Variants in SSU72 observed in about 807,000 individuals in gnomAD.
The protein encoded by SSU72 is SSU72 homolog, RNA polymerase II CTD phosphatase.
SSU72 carries 12 observed loss-of-function variants against 22.7 expected under a neutral mutation model. The observed-to-expected ratio is 0.53, with a 90% CI of 0.34 to 0.86. SSU72 has a LOEUF of 0.86. SSU72 is among the 40% of genes least tolerant of loss of function. SSU72 has a pLI of 0.02. For missense variants in SSU72, 151 were observed against 249.8 expected, an observed-to-expected ratio of 0.60 and a Z score of 2.67; for synonymous variants, 116 against 98.3, an observed-to-expected ratio of 1.18 and a Z score of -1.06.
rs1163788170 is a variant in SSU72, at chr1:1,541,719, G to A, written c.*347C>T. 2.4e-5 allele frequency: 6 copies of A among 254,058 alleles called. No homozygotes were observed. Among genetic ancestry groups the A allele is most frequent in the Non-Finnish European group, 3.9e-5 (5 of 128,576 alleles). The allele number at this position is 254,058 out of a possible 1,614,324, so 15.7% of individuals were successfully genotyped here. ...GACAATTCCAGGTCATTCCTAACACGCCGCAGCAGGGCTCTGTACAGTCCG... is the reference window on the plus strand; with the variant it reads ...GACAATTCCAGGTCATTCCTAACACACCGCAGCAGGGCTCTGTACAGTCCG... On this transcript the variant is annotated 3_prime_UTR_variant, in exon 5 of 5. Transcript: ENST00000291386.
rs1259193086 is a variant in SSU72, at chr1:1,574,760, T to C, written c.-203A>G. 1 of 302,188 alleles carries C rather than the reference T, an allele frequency of 3.3e-6. No homozygotes were observed. Among genetic ancestry groups the C allele is most frequent in the African/African-American group, 2.3e-5 (1 of 44,442 alleles). 18.7% of individuals were successfully genotyped at this position (302,188 alleles called of 1,614,324 possible). A position where few individuals can be genotyped will look rare whatever the true frequency, so the allele number is the denominator to read the frequency against. The stretch of plus-strand genomic sequence containing the variant: ...CGCGGACGGAGCGCAGGCACTGGCC[T>C]TCGGGCGCGCTGCACTCGGCGAGGC... On this transcript the variant is annotated 5_prime_UTR_variant, in exon 1 of 5. Transcript: ENST00000291386.
At chr1:1,564,942 TCACAGTCA>T (rs1470693362) in intron 1 of SSU72, 26 bp from the exon 2 acceptor site, 2 of 1,569,426 alleles carry the variant, frequency 1.3e-6, no homozygotes, top group Non-Finnish European at 1.7e-6. Flanking sequence ...AGAGAAAGAA[TCACAGTCA>T]CACTAAGACA....
intron 2 of SSU72, chr1:1,545,804 C>G (rs539813286): frequency 6.6e-6 from 1 of 152,398 alleles, no homozygotes; most frequent in South Asian, 2.1e-4. Context: ...ACAGAAGGTT[C>G]AGCAGCAATC....
intron 2 of SSU72, among the ~76,000 whole-genome samples, chr1:1,553,355 G>A (rs1245451892): frequency 1.3e-5 from 2 of 152,138 alleles, no homozygotes; most frequent in African/African-American, 4.8e-5. Context: ...TACAGTAGTT[G>A]TTTTGCCAGG....
chr1:1,560,479 G>A (rs931845698), intron 2 of SSU72, among the ~76,000 whole-genome samples: 1 of 152,162 alleles, frequency 6.6e-6, no homozygotes, highest in Non-Finnish European at 1.5e-5. Context: ...ACCTAGACTC[G>A]TACCCTGACA....
intron 1 of SSU72, 136 bp from the exon 2 acceptor site, chr1:1,565,052 A>C (rs766095980): frequency 8.0e-5 from 102 of 1,272,036 alleles, no homozygotes; most frequent in Non-Finnish European, 9.3e-5. Context: ...TCAAATTTTT[A>C]ATCTAGGCCG....
intron 2 of SSU72, among the ~76,000 whole-genome samples, chr1:1,556,223 G>A (rs1404345607): frequency 6.6e-6 from 1 of 152,212 alleles, no homozygotes; most frequent in Non-Finnish European, 1.5e-5. Context: ...ACAAGGTCAG[G>A]AGATGGAGAC....
In SSU72 at chr1:1,542,758, C is replaced by T. The variant is rs561117786; in HGVS notation, c.484-591G>A. On this transcript the variant is annotated intron_variant, in intron 4 of 4. Coordinates refer to ENST00000291386, the MANE Select transcript of SSU72 (RefSeq NM_014188.3). The surrounding 1 kb of genome is among the most constrained non-coding windows in gnomAD (Gnocchi z 4.4). ...TGTGACTCAGCTCTGGCCAACGTGA[C>T]CCAAGCAGAAATCGTGCAATAACTT... 6.1e-4 allele frequency among the ~76,000 whole-genome samples: 92 copies of T among 152,050 alleles called. No individual in the cohort carries two copies. The highest frequency in any genetic ancestry group is 1.1e-3 in the Non-Finnish European group (76 of 68,010).
At chr1:1,550,004 G>GT (rs1642437343) in intron 2 of SSU72, among the ~76,000 whole-genome samples, 1 of 146,494 alleles carries the variant, frequency 6.8e-6, no homozygotes, top group African/African-American at 2.5e-5. Flanking sequence ...GCAAAACCCC[G>GT]TCTTCTCTAC....
At chr1:1,568,893 C>T (rs2100722392) in intron 1 of SSU72, among the ~76,000 whole-genome samples, 1 of 147,808 alleles carries the variant, frequency 6.8e-6, no homozygotes, top group South Asian at 2.2e-4. Context: ...TAAATAAGGC[C>T]AGGCACGGTG....
chr1:1,572,776 A>G (rs1642747507), intron 1 of SSU72, among the ~76,000 whole-genome samples: 1 of 147,962 alleles, frequency 6.8e-6, no homozygotes, highest in Non-Finnish European at 1.5e-5. Flanking sequence ...TTTGTTATGC[A>G]GGTACAGCAG....
chr1:1,542,138 C>T lies in SSU72; in HGVS notation c.513G>A (p.Glu171=). 6.3e-7 allele frequency: 1 copy of T among 1,592,842 alleles called. No individual in the cohort carries two copies. The highest frequency in any genetic ancestry group is 8.5e-7 in the Non-Finnish European group (1 of 1,169,878). ...CIQHTEDMEN[E]IDELLQEFEE... ...CGAACTCCTGCAGCAGCTCGTCGAT[C>T]TCGTTCTCCATGTCTTCCGTGTGCT... Residue 171 remains glutamate (E), a synonymous_variant, in exon 5 of 5, where the codon GAG becomes GAA. Coordinates refer to ENST00000291386, the MANE Select transcript of SSU72 (RefSeq NM_014188.3). The surrounding 1 kb of genome is among the most constrained non-coding windows in gnomAD (Gnocchi z 4.4).
intron 4 of SSU72, among the ~76,000 whole-genome samples, chr1:1,543,536 A>AGCTAC (rs1642350889): frequency 6.6e-6 from 1 of 152,128 alleles, no homozygotes; most frequent in Non-Finnish European, 1.5e-5. Flanking sequence ...GGCGCCCCCG[A>AGCTAC]CACAGGCGAG....
chr1:1,548,911 G>T (rs576013731), intron 2 of SSU72, among the ~76,000 whole-genome samples: 2 of 152,358 alleles, frequency 1.3e-5, no homozygotes, highest in East Asian at 3.9e-4. Flanking sequence ...CCGTCCCACA[G>T]TGACGTCTGG....
chr1:1,564,579 C>A, intron 2 of SSU72, 194 bp downstream of exon 2: 3 of 1,601,430 alleles, frequency 1.9e-6, no homozygotes, highest in Non-Finnish European at 2.6e-6. Flanking sequence ...ACCACGCCTA[C>A]TGCCATGGGT....
intron 2 of SSU72, among the ~76,000 whole-genome samples, chr1:1,559,732 GTATTT>G (rs1642564251): frequency 8.4e-6 from 1 of 118,916 alleles, no homozygotes; most frequent in Admixed American, 8.5e-5. Context: ...GCTACTTTTT[GTATTT>G]TATTTTTGGA....
intron 2 of SSU72, among the ~76,000 whole-genome samples, chr1:1,560,133 T>G (rs1642570191): frequency 6.6e-6 from 1 of 152,176 alleles, no homozygotes; most frequent in East Asian, 1.9e-4. Context: ...ATTACAGGTG[T>G]GAGCCACTGC....
chr1:1,574,846 G>A lies in SSU72; in HGVS notation c.-289C>T, dbSNP rs570916921. On this transcript the variant is annotated 5_prime_UTR_variant, in exon 1 of 5. Transcript: ENST00000291386. ...CGCAGCAGAGACCCGCACTCCACAA[G>A]GCCCGGCTGAGCGTCACGGCGCCAA... is the stretch of plus-strand genomic sequence containing the variant. 29 of 359,762 alleles carry A rather than the reference G, an allele frequency of 8.1e-5. No individual in the cohort carries two copies. The highest frequency in any genetic ancestry group is 5.8e-4 in the African/African-American group (27 of 46,580). 22.3% of individuals were successfully genotyped at this position (359,762 alleles called of 1,614,324 possible). A position where few individuals can be genotyped will look rare whatever the true frequency, so the allele number is the denominator to read the frequency against.
Position 1,544,203 on chromosome 1 carries a change from G to A in SSU72, c.365-216C>T, listed in dbSNP as rs919316026. On this transcript the variant is annotated intron_variant, in intron 3 of 4. Transcript: ENST00000291386. ...CAAATCTCCAACTCAGCACAAGCTG[G>A]TCTGGGACTCCCCACCCACCAGCCA... 2.6e-5 allele frequency among the ~76,000 whole-genome samples: 4 copies of A among 152,196 alleles called. No individual in the cohort carries two copies. The East Asian group carries it at 5.8e-4, about 22-fold the overall frequency.
Sources: gnomAD v4.1 joint callset for allele counts (sites outside exome capture counted in the v4.1 genomes callset) on GRCh38, gnomAD v4.1.1 for gene constraint, Gnocchi (gnomAD v3.1) non-coding constraint, MANE v1.5 for transcripts, NCBI Gene and HGNC (gene_info 2026-07-23, HGNC 2026-07-21) for gene names.